IQCK: variants seen among roughly 807,000 people sequenced by gnomAD.
IQCK encodes IQ motif containing K.
IQCK carries 29 observed loss-of-function variants against 28.1 expected under a neutral mutation model. The ratio of observed to expected loss-of-function variants is 1.03; its 90% CI spans 0.77 to 1.41. The LOEUF (loss-of-function observed/expected upper bound fraction) is 1.41. IQCK is among the 40% of genes most tolerant of loss of function. The pLI is 0.00. For missense variants in IQCK, 359 were observed against 314.7 expected, an observed-to-expected ratio of 1.14 and a Z score of -1.07; for synonymous variants, 113 against 115.1, an observed-to-expected ratio of 0.98 and a Z score of 0.12.
At chr16:19,736,481 C>T (rs561881549) in intron 4 of IQCK, among the ~76,000 whole-genome samples, 4 of 152,126 alleles carry the variant, frequency 2.6e-5, no homozygotes, top group Admixed American at 1.3e-4. Flanking sequence ...TCAGTGAACT[C>T]GGTAGAAACC....
intron 6 of IQCK, among the ~76,000 whole-genome samples, chr16:19,770,549 G>A (rs537076319): frequency 7.4e-4 from 106 of 144,004 alleles, no homozygotes; most frequent in Admixed American, 2.3e-3. Flanking sequence ...AGTGGCCCCT[G>A]CATTCCTCTT....
intron 9 of IQCK, among the ~76,000 whole-genome samples, chr16:19,835,108 T>C (rs1165222425): frequency 6.6e-6 from 1 of 151,824 alleles, no homozygotes; most frequent in Non-Finnish European, 1.5e-5. Flanking sequence ...CTACTAAAAA[T>C]ACAAAAAAAT....
In IQCK at chr16:19,858,204, C is replaced by G. The variant is rs2056587671; in HGVS notation, c.*1656C>G. ...TGTAGTCATTAGAAAAAGAACAGCT[C>G]TCTCCCTTCTCCTCTCACTCCCGCC... On this transcript the variant is annotated 3_prime_UTR_variant, in exon 10 of 10. Transcript: ENST00000320394. The G allele has an allele frequency of 3.1e-5, 10 of 318,252 alleles. No homozygotes were observed. In the Admixed American group the frequency reaches 4.9e-4, roughly 16 times the overall value. 19.7% of individuals were successfully genotyped at this position (318,252 alleles called of 1,614,324 possible). A position where few individuals can be genotyped will look rare whatever the true frequency, so the allele number is the denominator to read the frequency against.
chr16:19,731,698 C>T (rs957725982), intron 2 of IQCK, among the ~76,000 whole-genome samples: 3 of 152,076 alleles, frequency 2.0e-5, no homozygotes, highest in Admixed American at 6.6e-5. Flanking sequence ...TTAGGGTTCT[C>T]CAGAGAGACA....
intron 7 of IQCK, among the ~76,000 whole-genome samples, chr16:19,810,871 T>G (rs975009251): frequency 6.6e-6 from 1 of 151,900 alleles, no homozygotes; most frequent in African/African-American, 2.4e-5. Flanking sequence ...TTCTGAGAAT[T>G]AAAAGTTAAT....
At chr16:19,731,975 C>G (rs1375703226) in intron 2 of IQCK, among the ~76,000 whole-genome samples, 6 of 152,240 alleles carry the variant, frequency 3.9e-5, no homozygotes. Flanking sequence ...CCAGGGACCA[C>G]TGGTGAGAGC....
chr16:19,856,444 C>T (rs368350130), intron 9 of IQCK, 43 bp from the exon 9 acceptor site: 35 of 1,542,012 alleles, frequency 2.3e-5, no homozygotes, highest in Middle Eastern at 1.7e-4. Context: ...AGCCTGTCTA[C>T]GTATGTAAAT....
intron 7 of IQCK, among the ~76,000 whole-genome samples, chr16:19,822,385 C>CA (rs1216507836): frequency 0.16 from 9,572 of 60,590 alleles, 1,062 homozygotes; most frequent in East Asian, 0.31. Context: ...GACTCTGTCT[C>CA]AAAAAAAAAA....
intron 7 of IQCK, among the ~76,000 whole-genome samples, chr16:19,809,984 G>T (rs1397381855): frequency 6.6e-6 from 1 of 152,128 alleles, no homozygotes; most frequent in Non-Finnish European, 1.5e-5. Context: ...CCAGGGCGGC[G>T]ATAACAATCC....
At chr16:19,840,516 T>G (rs1009262214) in intron 9 of IQCK, among the ~76,000 whole-genome samples, 3 of 152,200 alleles carry the variant, frequency 2.0e-5, no homozygotes, top group African/African-American at 7.2e-5. Context: ...TATTTTTCTT[T>G]TTCGATTATC....
At chr16:19,821,020 A>G (rs2056064786) in intron 7 of IQCK, among the ~76,000 whole-genome samples, 1 of 152,180 alleles carries the variant, frequency 6.6e-6, no homozygotes, top group South Asian at 2.1e-4. Flanking sequence ...ATGAGATGCC[A>G]CTTCATATCT....
intron 4 of IQCK, among the ~76,000 whole-genome samples, chr16:19,756,474 C>T (rs2055053595): frequency 6.6e-6 from 1 of 152,166 alleles, no homozygotes; most frequent in South Asian, 2.1e-4. Context: ...TCTATATCTT[C>T]CCCCCAGATT....
At chr16:19,806,579 A>C (rs1192028478) in intron 7 of IQCK, among the ~76,000 whole-genome samples, 5 of 151,002 alleles carry the variant, frequency 3.3e-5, no homozygotes, top group African/African-American at 1.2e-4. Context: ...AGTCCTAGCT[A>C]CTTGGGAACC....
chr16:19,804,082 G>A (rs555700273), intron 7 of IQCK, among the ~76,000 whole-genome samples: 46 of 152,232 alleles, frequency 3.0e-4, no homozygotes, highest in African/African-American at 9.6e-4. Flanking sequence ...CAGGTGCGGC[G>A]GCTCACGCCT....
intron 6 of IQCK, among the ~76,000 whole-genome samples, chr16:19,764,670 C>T (rs1365789824): frequency 6.6e-6 from 1 of 150,608 alleles, no homozygotes; most frequent in Non-Finnish European, 1.5e-5. Context: ...ATGGAGTAGC[C>T]ATTATTTTAT....
chr16:19,804,696 T>C (rs1329329719), intron 7 of IQCK, among the ~76,000 whole-genome samples: 2 of 152,116 alleles, frequency 1.3e-5, no homozygotes, highest in Non-Finnish European at 2.9e-5. Flanking sequence ...CCCAAAGTGT[T>C]GGGATTACAG....
chr16:19,729,050 A>G (rs1391304703), intron 1 of IQCK, among the ~76,000 whole-genome samples: 2 of 152,214 alleles, frequency 1.3e-5, no homozygotes, highest in African/African-American at 4.8e-5. Flanking sequence ...TGCTTTAGGG[A>G]TATAACTAAT....
At chr16:19,827,849 G>A (rs138086384), downstream of IQCK, among the ~76,000 whole-genome samples, 3 of 152,166 alleles carry the variant, frequency 2.0e-5, no homozygotes, top group East Asian at 5.8e-4. Flanking sequence ...GGACTTCCTA[G>A]GTCTCTAGCT....
chr16:19,745,317 T>G (rs1185913622), intron 4 of IQCK, among the ~76,000 whole-genome samples: 9 of 152,276 alleles, frequency 5.9e-5, no homozygotes, highest in Non-Finnish European at 4.4e-5. Flanking sequence ...TCACTATGTC[T>G]GGTACAACTC....
Sources: gnomAD v4.1 joint callset for allele counts (sites outside exome capture counted in the v4.1 genomes callset) on GRCh38, gnomAD v4.1.1 for gene constraint, MANE v1.5 for transcripts, NCBI Gene and HGNC (gene_info 2026-07-23, HGNC 2026-07-21) for gene names.